ST6GALNAC5: variants seen among roughly 807,000 people sequenced by gnomAD.
ST6GALNAC5 encodes the protein alpha-N-acetylgalactosaminide alpha-2,6-sialyltransferase 5.
A neutral mutation model predicts 33.6 loss-of-function variants in ST6GALNAC5; 27 were observed. The observed-to-expected ratio is 0.80, with a 90% CI of 0.59 to 1.11. The LOEUF is 1.11. Among genes scored for constraint, ST6GALNAC5 ranks in the 50% least tolerant of loss-of-function variants. ST6GALNAC5 has a pLI of 0.00. For synonymous variants in ST6GALNAC5, 194 were observed against 171.2 expected, an observed-to-expected ratio of 1.13 and a Z score of -1.04; for missense variants, 428 against 454.0, an observed-to-expected ratio of 0.94 and a Z score of 0.52.
intron 2 of ST6GALNAC5, among the ~76,000 whole-genome samples, chr1:76,940,623 T>C (rs1647311076): frequency 6.6e-6 from 1 of 151,936 alleles, no homozygotes; most frequent in African/African-American, 2.4e-5. Context: ...ACACAGTGAG[T>C]GGTAAACCAG....
chr1:76,978,636 A>G (rs890866811), intron 2 of ST6GALNAC5, among the ~76,000 whole-genome samples: 2 of 152,238 alleles, frequency 1.3e-5, no homozygotes, highest in African/African-American at 4.8e-5. Context: ...TGAACACAGT[A>G]AAGGCCACAT....
At chr1:77,005,132 G>A (rs1046296903) in intron 2 of ST6GALNAC5, among the ~76,000 whole-genome samples, 3 of 152,216 alleles carry the variant, frequency 2.0e-5, no homozygotes, top group Non-Finnish European at 2.9e-5. Context: ...TGCTGTGCTA[G>A]CAATCAGCGA....
chr1:76,979,634 C>A (rs1436959760), intron 2 of ST6GALNAC5, among the ~76,000 whole-genome samples: 1 of 152,118 alleles, frequency 6.6e-6, no homozygotes, highest in Non-Finnish European at 1.5e-5. Context: ...CAAATTAAGA[C>A]TGTAATGTAA....
intron 2 of ST6GALNAC5, among the ~76,000 whole-genome samples, chr1:77,030,329 G>A (rs1168143345): frequency 6.6e-6 from 1 of 152,196 alleles, no homozygotes; most frequent in African/African-American, 2.4e-5. Flanking sequence ...CAGAAACTAT[G>A]ACCTTGAGCA....
At chr1:76,881,313 T>G (rs1039445808) in intron 2 of ST6GALNAC5, among the ~76,000 whole-genome samples, 2 of 152,148 alleles carry the variant, frequency 1.3e-5, no homozygotes, top group African/African-American at 2.4e-5. Flanking sequence ...CTGGGACAAA[T>G]AAATATATTT....
intron 4 of ST6GALNAC5, among the ~76,000 whole-genome samples, chr1:77,059,359 C>T (rs1375635239): frequency 6.6e-6 from 1 of 152,212 alleles, no homozygotes; most frequent in Non-Finnish European, 1.5e-5. Context: ...GTTCCTCAGG[C>T]TTTCCCTGCA....
intron 2 of ST6GALNAC5, among the ~76,000 whole-genome samples, chr1:77,039,835 G>A (rs1010410815): frequency 5.3e-5 from 8 of 152,208 alleles, no homozygotes; most frequent in East Asian, 1.9e-4. Flanking sequence ...CGGAGAGCCC[G>A]CTGGAGCCAC....
chr1:77,044,267 C>T lies in ST6GALNAC5; in HGVS notation c.325C>T (p.Arg109Trp), dbSNP rs746598078. ...CAGCTCAGGGCATCTGCTGCACAGT[C>T]GGCAAGGCTCCCAGATTGACCAGAC... ...VTSSGHLLHSRQGSQIDQTEC... is the reference protein window; with the variant it reads ...VTSSGHLLHSWQGSQIDQTEC... The change falls in exon 3 of 5, where the codon CGG (arginine) becomes TGG (tryptophan). Residue 109 changes from arginine (R) to tryptophan (W), a missense_variant. Coordinates refer to ENST00000477717, the MANE Select transcript of ST6GALNAC5 (RefSeq NM_030965.3). 3.1e-5 allele frequency: 50 copies of T among 1,613,786 alleles called. No homozygotes were observed. Among genetic ancestry groups the T allele is most frequent in the Middle Eastern group, 1.6e-4 (1 of 6,084 alleles).
In ST6GALNAC5 at chr1:76,955,379, A is replaced by C. The variant is rs557268301; in HGVS notation, c.261+86637A>C. Among the ~76,000 whole-genome samples the C allele has an allele frequency of 2.0e-5, 3 of 152,296 alleles. No individual in the cohort carries two copies. The East Asian group carries it at 5.8e-4, about 29-fold the overall frequency. On this transcript the variant is annotated intron_variant, in intron 2 of 4. Transcript: ENST00000477717. The stretch of plus-strand genomic sequence containing the variant: ...AAAATCTGTGTTCCTTAGGTGTGTC[A>C]AACAGGGATTAGTTTAATTTCTTAC...
At chr1:77,049,467 A>G (rs1652145089) in intron 3 of ST6GALNAC5, among the ~76,000 whole-genome samples, 2 of 152,228 alleles carry the variant, frequency 1.3e-5, no homozygotes, top group South Asian at 4.1e-4. Flanking sequence ...GGATCAAATT[A>G]GACCTTGGTG....
intron 2 of ST6GALNAC5, among the ~76,000 whole-genome samples, chr1:76,943,906 G>C (rs1570694895): frequency 1.3e-5 from 2 of 152,186 alleles, no homozygotes; most frequent in Middle Eastern, 6.9e-3. Flanking sequence ...AATGTTGTTG[G>C]ATTTCTTTGG....
chr1:77,025,740 C>A (rs910772186), intron 2 of ST6GALNAC5, among the ~76,000 whole-genome samples: 2 of 152,108 alleles, frequency 1.3e-5, no homozygotes, highest in Non-Finnish European at 2.9e-5. Flanking sequence ...CTCACAGCCT[C>A]GTCCACTGTG....
chr1:76,930,742 TTGAAGAG>T (rs1647131946), intron 2 of ST6GALNAC5, among the ~76,000 whole-genome samples: 1 of 152,134 alleles, frequency 6.6e-6, no homozygotes, highest in East Asian at 1.9e-4. Flanking sequence ...TTTGGATCCA[TTGAAGAG>T]CATTGTCAGC....
chr1:76,998,311 G>C (rs528726035), intron 2 of ST6GALNAC5, among the ~76,000 whole-genome samples: 1 of 152,062 alleles, frequency 6.6e-6, no homozygotes, highest in South Asian at 2.1e-4. Context: ...CAGGAGGATC[G>C]CTTGAGCCCA....
At chr1:77,056,542 G>A (rs751563317) in intron 4 of ST6GALNAC5, among the ~76,000 whole-genome samples, 1 of 152,176 alleles carries the variant, frequency 6.6e-6, no homozygotes, top group Non-Finnish European at 1.5e-5. Context: ...AAGGTATCAT[G>A]AATATCAGAG....
intron 2 of ST6GALNAC5, among the ~76,000 whole-genome samples, chr1:76,945,698 A>G (rs1647494221): frequency 6.6e-6 from 1 of 152,140 alleles, no homozygotes; most frequent in Admixed American, 6.5e-5. Flanking sequence ...CTTGGTTTAA[A>G]AAGAACTAAT....
intron 2 of ST6GALNAC5, among the ~76,000 whole-genome samples, chr1:76,899,035 A>T (rs996360226): frequency 6.6e-6 from 1 of 152,190 alleles, no homozygotes; most frequent in Admixed American, 6.5e-5. Flanking sequence ...CAGGCACCTC[A>T]GACCGTTTGC....
At chr1:76,975,773 A>T (rs1395080068) in intron 2 of ST6GALNAC5, among the ~76,000 whole-genome samples, 16 of 152,198 alleles carry the variant, frequency 1.1e-4, no homozygotes, top group Non-Finnish European at 1.5e-5. Flanking sequence ...TTATCATAAA[A>T]GTCAAAATAT....
In ST6GALNAC5 at chr1:77,064,564, A is replaced by T. The variant is rs1652712697; in HGVS notation, c.*1358A>T. On this transcript the variant is annotated 3_prime_UTR_variant, in exon 5 of 5. Coordinates refer to ENST00000477717, the MANE Select transcript of ST6GALNAC5 (RefSeq NM_030965.3). ...ATGCTATGAACTGTTTAGACTCACT[A>T]CAAATCTTCTTAGATTATATTCATT... 1 of 152,204 alleles carries T rather than the reference A, an allele frequency of 6.6e-6. No individual in the cohort carries two copies. 9.4% of individuals were successfully genotyped at this position (152,204 alleles called of 1,614,324 possible). A position where few individuals can be genotyped will look rare whatever the true frequency, so the allele number is the denominator to read the frequency against.
Sources: gnomAD v4.1 joint callset for allele counts (sites outside exome capture counted in the v4.1 genomes callset) on GRCh38, gnomAD v4.1.1 for gene constraint, MANE v1.5 for transcripts, NCBI Gene and HGNC (gene_info 2026-07-23, HGNC 2026-07-21) for gene names.